The following RAPGEF1 variants were observed in gnomAD, a reference collection of about 807,000 sequenced individuals.
The protein encoded by RAPGEF1 is CRK SH3-binding GNRP.
Under a neutral mutation model 143.3 loss-of-function variants are expected in RAPGEF1, and 33 were observed. The ratio of observed to expected loss-of-function variants is 0.23; its 90% CI spans 0.17 to 0.31. The LOEUF (loss-of-function observed/expected upper bound fraction) is 0.31, where lower values mean the gene tolerates loss of function less well. Ranked by LOEUF, RAPGEF1 falls within the 10% of genes least tolerant of loss-of-function variation. The probability of loss-of-function intolerance (pLI) is 1.00; values close to 1 mark genes in which losing one functional copy is unlikely to be tolerated. For synonymous variants in RAPGEF1, 629 were observed against 676.5 expected, an observed-to-expected ratio of 0.93 and a Z score of 1.09; for missense variants, 1,199 against 1,645.4, an observed-to-expected ratio of 0.73 and a Z score of 4.69.
intron 1 of RAPGEF1, among the ~76,000 whole-genome samples, chr9:131,716,977 T>C (rs561626393): frequency 1.3e-5 from 2 of 152,058 alleles, no homozygotes; most frequent in African/African-American, 2.4e-5. Flanking sequence ...CTGTCCCTCC[T>C]CTCCAGCGAG....
At chr9:131,626,484 TC>T (rs1370556144) in intron 9 of RAPGEF1, 62 bp from the exon 10 acceptor site, 43 of 1,464,852 alleles carry the variant, frequency 2.9e-5, no homozygotes, top group Admixed American at 4.8e-5. Flanking sequence ...AGCAGCCAGC[TC>T]CCCCCGCCCG....
intron 14 of RAPGEF1, 24 bp from the exon 15 acceptor site, chr9:131,602,173 G>A: frequency 6.5e-7 from 1 of 1,545,788 alleles, no homozygotes; most frequent in Non-Finnish European, 8.8e-7. Flanking sequence ...TGGGTGCTGA[G>A]TTCTGGACAG....
chr9:131,739,844 G>C lies in RAPGEF1; in HGVS notation c.-14C>G. 9.8e-7 allele frequency: 1 copy of C among 1,021,814 alleles called. No homozygotes were observed. Among genetic ancestry groups the C allele is most frequent in the Non-Finnish European group, 1.2e-6 (1 of 858,744 alleles). 63.3% of individuals were successfully genotyped at this position (1,021,814 alleles called of 1,614,324 possible). A position where few individuals can be genotyped will look rare whatever the true frequency, so the allele number is the denominator to read the frequency against. ...GCCGCCGCTCATCGGGCCCGGGCCG[G>C]GCCGCCGCGGGGCGACAGGGGCGGC... On this transcript the variant is annotated 5_prime_UTR_variant, in exon 1 of 27. Transcript: ENST00000683357.
chr9:131,664,712 A>C lies in RAPGEF1; in HGVS notation c.62-13763T>G, dbSNP rs1262890178. 3.3e-5 allele frequency among the ~76,000 whole-genome samples: 5 copies of C among 152,364 alleles called. No homozygotes were observed. The East Asian group carries it at 7.7e-4, about 23-fold the overall frequency. On this transcript the variant is annotated intron_variant, in intron 1 of 26. Coordinates refer to ENST00000683357, the MANE Select transcript of RAPGEF1 (RefSeq NM_001377935.1). ...CTTAGCAATTCTTTTAGTCCTTAGA[A>C]TATATCCTGTGATGGGCATATAGCA...
At position 131,723,901 on chromosome 9, in the gene RAPGEF1, G is replaced by A. The variant is rs372382595; in HGVS notation, c.61+15869C>T. 2.9e-4 allele frequency among the ~76,000 whole-genome samples: 44 copies of A among 152,296 alleles called. No homozygotes were observed. The South Asian group carries it at 8.5e-3, about 29-fold the overall frequency. On this transcript the variant is annotated intron_variant, in intron 1 of 26. Transcript: ENST00000683357. ...ACCATTTTACAGTCCTGCCAACAGCGCACAAGTGTTCAGATTCCCCCACAT... is the reference window on the plus strand; with the variant it reads ...ACCATTTTACAGTCCTGCCAACAGCACACAAGTGTTCAGATTCCCCCACAT...
Position 131,638,661 on chromosome 9 carries a change from T to G in RAPGEF1, c.625A>C (p.Ile209Leu). The change falls in exon 5 of 27, where the codon ATC becomes CTC. Residue 209 changes from isoleucine to leucine, a missense_variant. This residue lies in a region of RAPGEF1 where 613 missense variants were observed against 710.9 expected (regional missense o/e 0.86). Transcript: ENST00000683357. ...TTCACTCCATCCAGCACAGCCTTGATGACCCCCTTCACAGTCGTCACCATC... is the reference window on the plus strand; with the variant it reads ...TTCACTCCATCCAGCACAGCCTTGAGGACCCCCTTCACAGTCGTCACCATC... Reference protein sequence around the residue: ...KEMVTTVKGVIKAVLDGVKEL... With the variant: ...KEMVTTVKGVLKAVLDGVKEL... 6.2e-7 allele frequency: 1 copy of G among 1,614,056 alleles called. No homozygotes were observed. Among genetic ancestry groups the G allele is most frequent in the Admixed American group, 1.7e-5 (1 of 60,018 alleles).
At chr9:131,638,166 G>A (rs541856201) in intron 5 of RAPGEF1, among the ~76,000 whole-genome samples, 1 of 152,278 alleles carries the variant, frequency 6.6e-6, no homozygotes, top group South Asian at 2.1e-4. Flanking sequence ...GACTTCTCTG[G>A]ATAGCAAATA....
intron 12 of RAPGEF1, among the ~76,000 whole-genome samples, chr9:131,607,199 T>G (rs998544240): frequency 2.6e-5 from 4 of 152,172 alleles, no homozygotes; most frequent in Admixed American, 2.6e-4. Context: ...AATAAATCAG[T>G]GGAAGTGTCA....
rs1952169356 is a variant in RAPGEF1, at chr9:131,583,275, TCTCCCTGAAGTG to T, written c.3415-585_3415-574del. ...CCTGCCTCTTCTCCTGTTACGTGCC[TCTCCCTGAAGTG>T]CTGCCTCCTGAGGACCCCCCATGCA... On this transcript the variant is annotated intron_variant, in intron 24 of 26. Transcript: ENST00000683357. This position sits in a 1 kb window ranked among gnomAD's most constrained non-coding sequence, Gnocchi z 4.7. Among the ~76,000 whole-genome samples, 1 of 152,044 alleles carries T rather than the reference TCTCCCTGAAGTG, an allele frequency of 6.6e-6. No individual in the cohort carries two copies. Among genetic ancestry groups the T allele is most frequent in the Non-Finnish European group, 1.5e-5 (1 of 67,996 alleles).
Position 131,619,071 on chromosome 9 carries a change from C to T in RAPGEF1, c.2041G>A (p.Gly681Ser), listed in dbSNP as rs368959014. 2,795 of 1,359,290 alleles carry T rather than the reference C, an allele frequency of 2.1e-3. 5 individuals carry two copies. Among genetic ancestry groups the T allele is most frequent in the Admixed American group, 2.7e-3 (141 of 51,578 alleles). The allele number at this position is 1,359,290 out of a possible 1,614,324, so 84.2% of individuals were successfully genotyped here. A position where few individuals can be genotyped will look rare whatever the true frequency, so the allele number is the denominator to read the frequency against. ...CTCACCGAGGGCACGGGCAAGCTGC[C>T]GTGCCGGCTGAGAAAGGAGTTAGAG... ...SVSNSFLSRH[G>S]SLPVPSYKSV... The change falls in exon 12 of 27, where the codon GGC becomes AGC. Residue 681 changes from glycine (G) to serine (S), a missense_variant. Around this residue, in one of 6 missense-constraint regions of RAPGEF1, gnomAD observed 293 missense variants for 356.2 expected, o/e 0.82. Coordinates refer to ENST00000683357, the MANE Select transcript of RAPGEF1 (RefSeq NM_001377935.1).
chr9:131,654,921 C>T (rs759434230), intron 1 of RAPGEF1, among the ~76,000 whole-genome samples: 1 of 152,148 alleles, frequency 6.6e-6, no homozygotes, highest in Non-Finnish European at 1.5e-5. Flanking sequence ...AAACACTGTC[C>T]TACGCAATGG....
rs776692924 is a variant in RAPGEF1, at chr9:131,626,218, G to T, written c.1406C>A (p.Thr469Lys). 1 of 1,613,718 alleles carries T rather than the reference G, an allele frequency of 6.2e-7. No homozygotes were observed. The highest frequency in any genetic ancestry group is 1.3e-5 in the African/African-American group (1 of 74,920). ...CTTCTTCTCGGGGAGAGCAGGTGGC[G>T]TATCTGTCTGCTGCCCTGGGGCCAG... ...GPLAPGQQTD[T>K]PPALPEKKRR... is the part of the protein sequence containing the mutation. The change falls in exon 10 of 27, where the codon ACG (threonine) becomes AAG (lysine). Residue 469 changes from threonine to lysine, a missense_variant. Physicochemically the swap from Thr to Lys is moderately conservative, Grantham distance 78 (BLOSUM62 -1). Around this residue, in one of 6 missense-constraint regions of RAPGEF1, gnomAD observed 613 missense variants for 710.9 expected, o/e 0.86. Coordinates refer to ENST00000683357, the MANE Select transcript of RAPGEF1 (RefSeq NM_001377935.1).
chr9:131,603,101 C>T (rs947887930), intron 14 of RAPGEF1, among the ~76,000 whole-genome samples: 1 of 152,204 alleles, frequency 6.6e-6, no homozygotes, highest in African/African-American at 2.4e-5. Flanking sequence ...TGTTCTATAA[C>T]CTGCTAATGT....
chr9:131,717,156 C>T lies in RAPGEF1; in HGVS notation c.61+22614G>A, dbSNP rs915152686. 6.6e-5 allele frequency among the ~76,000 whole-genome samples: 10 copies of T among 152,234 alleles called. 1 individual carries two copies. Among genetic ancestry groups the T allele is most frequent in the African/African-American group, 2.4e-4 (10 of 41,464 alleles). ...GCCCCTCTCCTGGCCAGCCCGCTGA[C>T]CTCAGCCTCCAGGCTGTGATGCCTC... On this transcript the variant is annotated intron_variant, in intron 1 of 26. Coordinates refer to ENST00000683357, the MANE Select transcript of RAPGEF1 (RefSeq NM_001377935.1).
intron 1 of RAPGEF1, among the ~76,000 whole-genome samples, chr9:131,651,922 A>G (rs1423972047): frequency 6.6e-6 from 1 of 152,222 alleles, no homozygotes; most frequent in East Asian, 1.9e-4. Context: ...TACTGTACTG[A>G]GTACTGCAGG....
chr9:131,600,517 G>C (rs1376773265), intron 15 of RAPGEF1, among the ~76,000 whole-genome samples: 1 of 152,222 alleles, frequency 6.6e-6, no homozygotes, highest in Non-Finnish European at 1.5e-5. Flanking sequence ...AGGCTGGGCA[G>C]GTGGCCCTCT....
intron 1 of RAPGEF1, among the ~76,000 whole-genome samples, chr9:131,685,777 G>A (rs1382364432): frequency 1.3e-5 from 2 of 152,300 alleles, no homozygotes; most frequent in Non-Finnish European, 2.9e-5. Context: ...TAGCGCCGCT[G>A]GGTTAGGGTC....
At chr9:131,587,367 C>T (rs1365201442) in intron 22 of RAPGEF1, among the ~76,000 whole-genome samples, 1 of 152,274 alleles carries the variant, frequency 6.6e-6, no homozygotes, top group African/African-American at 2.4e-5. Context: ...TTATAGAGCC[C>T]ACTCCTTTGC....
intron 3 of RAPGEF1, among the ~76,000 whole-genome samples, chr9:131,645,765 C>T (rs1969414195): frequency 6.6e-6 from 1 of 152,204 alleles, no homozygotes; most frequent in African/African-American, 2.4e-5. Context: ...ACCTGCGCAC[C>T]CCTCCTGCTG....
Sources: gnomAD v4.1 joint callset for allele counts (sites outside exome capture counted in the v4.1 genomes callset) on GRCh38, gnomAD v4.1.1 for gene constraint, gnomAD v4.1.1 regional missense constraint, Gnocchi (gnomAD v3.1) non-coding constraint, MANE v1.5 for transcripts, NCBI Gene and HGNC (gene_info 2026-07-23, HGNC 2026-07-21) for gene names.